The following KIAA0513 variants were observed in gnomAD, a reference collection of about 807,000 sequenced individuals.
KIAA0513 encodes KIAA0513, also known as uncharacterized protein KIAA0513.
A neutral mutation model predicts 56.5 loss-of-function variants in KIAA0513; 39 were observed. The ratio of observed to expected loss-of-function variants is 0.69; its 90% confidence interval spans 0.53 to 0.90. The LOEUF (loss-of-function observed/expected upper bound fraction) is 0.90, where lower values mean the gene tolerates loss of function less well. KIAA0513 is among the 40% of genes least tolerant of loss of function. KIAA0513 has a pLI of 0.00. For synonymous variants in KIAA0513, 268 were observed against 215.6 expected (o/e 1.24, Z -2.13); for missense variants, 591 against 535.2 (o/e 1.10, Z -1.03).
intron 1 of KIAA0513, among the ~76,000 whole-genome samples, chr16:85,041,438 G>A (rs1597593711): frequency 2.0e-5 from 3 of 152,332 alleles, no homozygotes; most frequent in African/African-American, 7.2e-5. Context: ...GAGTCAGAGC[G>A]TATGGCACGT....
At chr16:85,078,849 G>A (rs1256307729) in intron 7 of KIAA0513, 76 bp from the exon 8 acceptor site, 11 of 1,485,168 alleles carry the variant, frequency 7.4e-6, no homozygotes, top group Admixed American at 3.3e-5. Flanking sequence ...TGGCTGCTGG[G>A]AGGCTGTCAC....
At chr16:85,080,834 C>CT (rs2073732759) in intron 8 of KIAA0513, among the ~76,000 whole-genome samples, 1 of 151,926 alleles carries the variant, frequency 6.6e-6, no homozygotes, top group South Asian at 2.1e-4. Context: ...TGTTTTTTTC[C>CT]TTGAGTATCC....
rs1396743167 is a variant in KIAA0513 at position 85,089,240 on chromosome 16, C to G, written c.*915C>G. 2.6e-5 allele frequency: 4 copies of G among 152,324 alleles called. No homozygotes were observed. The East Asian group carries it at 7.7e-4, about 29-fold the overall frequency. The allele number at this position is 152,324 out of a possible 1,614,324, so 9.4% of individuals were successfully genotyped here. ...CTTTCTGAAAGCAAACAGTGCTGCT[C>G]TTTATTCCAGACAAGGCAGGAAAGT... On this transcript the variant is annotated 3_prime_UTR_variant, in exon 13 of 13. Transcript: ENST00000683363. The surrounding 1 kb of genome is among the most constrained non-coding windows in gnomAD (Gnocchi z 4.2).
At chr16:85,082,879 T>A (rs940774476) in intron 10 of KIAA0513, among the ~76,000 whole-genome samples, 2 of 152,224 alleles carry the variant, frequency 1.3e-5, no homozygotes, top group African/African-American at 4.8e-5. Flanking sequence ...GGCGACAGCA[T>A]GAGCTCGAGA....
chr16:85,074,497 C>A (rs145429813), intron 4 of KIAA0513, among the ~76,000 whole-genome samples: 369 of 152,196 alleles, frequency 2.4e-3, no homozygotes, highest in Middle Eastern at 0.01. Context: ...CTCTTGAGTC[C>A]CAGTTCTCCT....
At chr16:85,053,528 TC>T (rs1163654948) in intron 1 of KIAA0513, among the ~76,000 whole-genome samples, 1 of 152,226 alleles carries the variant, frequency 6.6e-6, no homozygotes, top group Non-Finnish European at 1.5e-5. Flanking sequence ...GATGGAGACA[TC>T]TTTCCAGGTT....
chr16:85,044,033 G>C (rs1597596808), intron 1 of KIAA0513, among the ~76,000 whole-genome samples: 1 of 151,908 alleles, frequency 6.6e-6, no homozygotes, highest in East Asian at 1.9e-4. Flanking sequence ...TCAGTCTCAA[G>C]AGAAAAAAAA....
intron 3 of KIAA0513, among the ~76,000 whole-genome samples, chr16:85,072,653 G>T (rs567434647): frequency 6.6e-6 from 1 of 152,236 alleles, no homozygotes; most frequent in Non-Finnish European, 1.5e-5. Context: ...TCTGTGTGTG[G>T]GTGTGTATGA....
At chr16:85,073,072 C>T in intron 4 of KIAA0513, 74 bp downstream of exon 4, 1 of 1,253,880 alleles carries the variant, frequency 8.0e-7, no homozygotes, top group Non-Finnish European at 1.2e-6. Context: ...CCCCACCCAG[C>T]CGTGTCATAA....
At position 85,081,916 on chromosome 16, in the gene KIAA0513, CG is replaced by C. The variant is rs1414360854; in HGVS notation, c.980+529del. ...AGGGGAGGGGCTGGCACCCACCCCA[CG>C]GGGGCCGATGCCATAGCAAGCAAAG... On this transcript the variant is annotated intron_variant, in intron 9 of 12. Transcript: ENST00000683363. This position sits in a 1 kb window ranked among gnomAD's most constrained non-coding sequence, Gnocchi z 4.4. Among the ~76,000 whole-genome samples, 1 of 152,222 alleles carries C rather than the reference CG, an allele frequency of 6.6e-6. No individual in the cohort carries two copies. Among genetic ancestry groups the C allele is most frequent in the Non-Finnish European group, 1.5e-5 (1 of 68,042 alleles).
At position 85,071,742 on chromosome 16, in the gene KIAA0513, GTTTTTTTTTTTTTTCCTCTGCTCTT is replaced by G; in HGVS notation, c.330-27_330-3del. On this transcript the variant is annotated splice_polypyrimidine_tract_variant and intron_variant, in intron 2 of 12. Transcript: ENST00000683363. ...CTGTTGCTCCAGGGGATTGAAAAGG[GTTTTTTTTTTTTTTCCTCTGCTCTT>G]TTTTTTTTTTTTTAGGGAGGACTTG... 1 of 1,091,066 alleles carries G rather than the reference GTTTTTTTTTTTTTTCCTCTGCTCTT, an allele frequency of 9.2e-7. No homozygotes were observed. The highest frequency in any genetic ancestry group is 1.3e-6 in the Non-Finnish European group (1 of 778,712). The allele number at this position is 1,091,066 out of a possible 1,614,324, so 67.6% of individuals were successfully genotyped here.
chr16:85,067,512 C>T (rs1370314592), intron 2 of KIAA0513, 112 bp downstream of exon 2: 3 of 828,316 alleles, frequency 3.6e-6, no homozygotes, highest in South Asian at 3.5e-5. Context: ...ACCAGAGCTT[C>T]CATTTCCCCA....
intron 1 of KIAA0513, among the ~76,000 whole-genome samples, chr16:85,062,911 CT>C (rs958896003): frequency 6.6e-6 from 1 of 152,204 alleles, no homozygotes; most frequent in Non-Finnish European, 1.5e-5. Context: ...ACCTTTCCTT[CT>C]TAGAGGAAGA....
chr16:85,034,869 G>A (rs560984081), intron 1 of KIAA0513, among the ~76,000 whole-genome samples: 1 of 152,180 alleles, frequency 6.6e-6, no homozygotes, highest in East Asian at 1.9e-4. Flanking sequence ...CAGCACATGG[G>A]TCAGGGCAGC....
chr16:85,072,177 G>GT (rs2073586930), intron 3 of KIAA0513, among the ~76,000 whole-genome samples: 1 of 152,046 alleles, frequency 6.6e-6, no homozygotes, highest in African/African-American at 2.4e-5. Context: ...ACATAGTGAG[G>GT]TCCCCCCTCC....
At chr16:85,031,863 G>C (rs1455219604) in intron 1 of KIAA0513, among the ~76,000 whole-genome samples, 1 of 152,150 alleles carries the variant, frequency 6.6e-6, no homozygotes, top group African/African-American at 2.4e-5. Context: ...AACAATATCA[G>C]AAATGACCTT....
At chr16:85,070,606 A>G (rs2073559326) in intron 2 of KIAA0513, among the ~76,000 whole-genome samples, 1 of 152,228 alleles carries the variant, frequency 6.6e-6, no homozygotes, top group Non-Finnish European at 1.5e-5. Context: ...TGAACCCAGG[A>G]GGCAGAGGTT....
In KIAA0513 at chr16:85,071,957, T is replaced by G. The variant is rs891461819; in HGVS notation, c.429+75T>G. ...CTAGTGAAGCATAACAAATTTGACT[T>G]TATCCTACAATGACACTCTGGAGAA... On this transcript the variant is annotated intron_variant, in intron 3 of 12. Coordinates refer to ENST00000683363, the MANE Select transcript of KIAA0513 (RefSeq NM_001388359.1). 7 of 997,006 alleles carry G rather than the reference T, an allele frequency of 7.0e-6. No individual in the cohort carries two copies. In the Admixed American group the frequency reaches 1.2e-4, roughly 18 times the overall value. 61.8% of individuals were successfully genotyped at this position (997,006 alleles called of 1,614,324 possible). A position where few individuals can be genotyped will look rare whatever the true frequency, so the allele number is the denominator to read the frequency against.
chr16:85,089,231 A>G lies in KIAA0513; in HGVS notation c.*906A>G, dbSNP rs2073843994. On this transcript the variant is annotated 3_prime_UTR_variant, in exon 13 of 13. Coordinates refer to ENST00000683363, the MANE Select transcript of KIAA0513 (RefSeq NM_001388359.1). The surrounding 1 kb of genome is among the most constrained non-coding windows in gnomAD (Gnocchi z 4.2). ...ACAACCACCCTTTCTGAAAGCAAAC[A>G]GTGCTGCTCTTTATTCCAGACAAGG... 1 of 152,302 alleles carries G rather than the reference A, an allele frequency of 6.6e-6. No individual in the cohort carries two copies. Among genetic ancestry groups the G allele is most frequent in the African/African-American group, 2.4e-5 (1 of 41,474 alleles). The allele number at this position is 152,302 out of a possible 1,614,324, so 9.4% of individuals were successfully genotyped here.
Sources: gnomAD v4.1 joint callset for allele counts (sites outside exome capture counted in the v4.1 genomes callset) on GRCh38, gnomAD v4.1.1 for gene constraint, Gnocchi (gnomAD v3.1) non-coding constraint, MANE v1.5 for transcripts, NCBI Gene and HGNC (gene_info 2026-07-23, HGNC 2026-07-21) for gene names.